D2HGDH: variants seen among roughly 807,000 people sequenced by gnomAD.
The protein encoded by D2HGDH is D-2-hydroxyglutarate dehydrogenase.
In D2HGDH, 31 loss-of-function variants were observed where a neutral mutation model predicts 46.9. The ratio of observed to expected loss-of-function variants is 0.66; its 90% CI spans 0.50 to 0.89. D2HGDH has a LOEUF of 0.89. D2HGDH is among the 40% of genes least tolerant of loss of function. The pLI is 0.00. For missense variants in D2HGDH, 698 were observed against 720.8 expected (o/e 0.97, Z 0.36); for synonymous variants, 364 against 332.6 (o/e 1.09, Z -1.03).
chr2:241,757,182 C>T (rs1035267748), intron 9 of D2HGDH, among the ~76,000 whole-genome samples: 1 of 152,230 alleles, frequency 6.6e-6, no homozygotes, highest in South Asian at 2.1e-4. Flanking sequence ...TGTTGCTTCC[C>T]TTTTACACAC....
intron 7 of D2HGDH, among the ~76,000 whole-genome samples, chr2:241,750,508 T>A (rs1212017923): frequency 6.6e-6 from 1 of 152,188 alleles, no homozygotes; most frequent in African/African-American, 2.4e-5. Context: ...TGGTCCTGTG[T>A]AAGGTTTGTA....
chr2:241,749,194 A>G lies in D2HGDH; in HGVS notation c.854-957A>G, dbSNP rs1417817489. The G allele has an allele frequency of 3.5e-6, 3 of 864,880 alleles. No homozygotes were observed. The African/African-American group carries it at 5.5e-5, about 16-fold the overall frequency. The allele number at this position is 864,880 out of a possible 1,614,324, so 53.6% of individuals were successfully genotyped here. On this transcript the variant is annotated intron_variant, in intron 6 of 9. Coordinates refer to ENST00000321264, the MANE Select transcript of D2HGDH (RefSeq NM_152783.5). ...AGTCCCCACCGCCAGACCCTCCAAC[A>G]CCACCACCACCTCCCACACCCCAGC...
At chr2:241,739,491 G>A (rs866554968) in intron 2 of D2HGDH, among the ~76,000 whole-genome samples, 1 of 152,240 alleles carries the variant, frequency 6.6e-6, no homozygotes, top group Admixed American at 6.5e-5. Flanking sequence ...GACATAAGTG[G>A]CTTTCTGATC....
intron 6 of D2HGDH, among the ~76,000 whole-genome samples, chr2:241,747,867 TCTG>T (rs927004489): frequency 7.9e-5 from 12 of 151,548 alleles, no homozygotes; most frequent in African/African-American, 2.9e-4. Flanking sequence ...CGGGCTCCAT[TCTG>T]CTTTTTTCTC....
chr2:241,752,934 G>A (rs1380294430), intron 8 of D2HGDH, among the ~76,000 whole-genome samples: 3 of 75,448 alleles, frequency 4.0e-5, no homozygotes, highest in Non-Finnish European at 8.0e-5. Flanking sequence ...CATCCCCCAC[G>A]CCACCCCCAG....
chr2:241,739,281 TG>T (rs1376712053), intron 2 of D2HGDH, among the ~76,000 whole-genome samples: 1 of 152,214 alleles, frequency 6.6e-6, no homozygotes, highest in African/African-American at 2.4e-5. Context: ...ATGTTTGTGT[TG>T]AGAACCCTGC....
chr2:241,759,977 C>T (rs375318125), intron 9 of D2HGDH, among the ~76,000 whole-genome samples: 5 of 152,276 alleles, frequency 3.3e-5, no homozygotes, highest in East Asian at 1.9e-4. Flanking sequence ...AATCAGTAGA[C>T]GTTGAGTACA....
At chr2:241,754,026 G>A (rs982909994) in intron 8 of D2HGDH, among the ~76,000 whole-genome samples, 14 of 152,232 alleles carry the variant, frequency 9.2e-5, no homozygotes, top group African/African-American at 2.4e-4. Context: ...GGAGCAGAAC[G>A]TCTGGTGCAG....
chr2:241,740,932 T>G, intron 2 of D2HGDH, 101 bp from the exon 3 acceptor site: 1 of 900,586 alleles, frequency 1.1e-6, no homozygotes, highest in Non-Finnish European at 1.8e-6. Flanking sequence ...AGAGTGAGAG[T>G]CCGTCTCCAA....
rs964815743 is a variant in D2HGDH at position 241,734,675 on chromosome 2, G to C, written c.-113G>C. 1 of 151,256 alleles carries C rather than the reference G, an allele frequency of 6.6e-6. No individual in the cohort carries two copies. Among genetic ancestry groups the C allele is most frequent in the Admixed American group, 6.6e-5 (1 of 15,062 alleles). The allele number at this position is 151,256 out of a possible 1,614,324, so 9.4% of individuals were successfully genotyped here. ...GGCCTGCGGCGGGCGCTGCGGGTTG[G>C]AGCTCGGGACGTGATCGTGGGTGCG... is the stretch of plus-strand genomic sequence containing the variant. On this transcript the variant is annotated 5_prime_UTR_variant, in exon 1 of 10. Coordinates refer to ENST00000321264, the MANE Select transcript of D2HGDH (RefSeq NM_152783.5).
At chr2:241,744,628 A>C in intron 5 of D2HGDH, 81 bp from the exon 6 acceptor site, 1 of 1,549,262 alleles carries the variant, frequency 6.5e-7, no homozygotes, top group East Asian at 2.2e-5. Context: ...GCTGCTGCAG[A>C]AGTGACACCT....
At chr2:241,753,054 C>G (rs1697538145) in intron 8 of D2HGDH, among the ~76,000 whole-genome samples, 1 of 152,128 alleles carries the variant, frequency 6.6e-6, no homozygotes, top group African/African-American at 2.4e-5. Flanking sequence ...GAGCCGGGTT[C>G]ATGACCAGGA....
intron 6 of D2HGDH, among the ~76,000 whole-genome samples, chr2:241,745,565 C>T (rs954181204): frequency 1.1e-4 from 16 of 152,148 alleles, no homozygotes; most frequent in African/African-American, 3.4e-4. Context: ...GCTGAGACTC[C>T]GCATGCTTGT....
intron 2 of D2HGDH, among the ~76,000 whole-genome samples, chr2:241,737,643 C>A (rs1024309952): frequency 6.6e-6 from 1 of 152,152 alleles, no homozygotes; most frequent in East Asian, 1.9e-4. Context: ...CTGGGTTACA[C>A]GCCTGTAACC....
intron 8 of D2HGDH, among the ~76,000 whole-genome samples, chr2:241,753,132 G>C (rs1028587786): frequency 6.6e-6 from 1 of 152,232 alleles, no homozygotes; most frequent in Admixed American, 6.5e-5. Flanking sequence ...ACGGGTTCAG[G>C]AGACGCCTTG....
At chr2:241,739,421 C>T (rs763290747) in intron 2 of D2HGDH, among the ~76,000 whole-genome samples, 22 of 152,244 alleles carry the variant, frequency 1.4e-4, no homozygotes, top group Admixed American at 1.0e-3. Flanking sequence ...ACTGAAGTGT[C>T]GGGCCGAGGC....
chr2:241,751,142 G>T (rs542700576), intron 7 of D2HGDH, 104 bp from the exon 8 acceptor site: 32 of 1,518,178 alleles, frequency 2.1e-5, no homozygotes, highest in Non-Finnish European at 3.6e-6. Flanking sequence ...TCTTGGCCAC[G>T]AAAGATCAGT....
At position 241,743,665 on chromosome 2, in the gene D2HGDH, CCG is replaced by C; in HGVS notation, c.535_536del (p.Arg179ValfsTer71). On this transcript the variant is annotated frameshift_variant, in exon 5 of 10. Transcript: ENST00000321264. LOFTEE classifies it high-confidence loss of function. This position sits in a 1 kb window ranked among gnomAD's most constrained non-coding sequence, Gnocchi z 4.8. ...QAGCVLEELSRYVEERDFIMP... is the reference protein window; with the variant it reads ...QAGCVLEELSXYVEERDFIMP... ...CGGGCTGCGTCCTGGAGGAGCTGAG[CCG>C]GTATGTGGAGGAACGGGACTTCATC... 6.2e-7 allele frequency: 1 copy of C among 1,613,926 alleles called. No homozygotes were observed. The highest frequency in any genetic ancestry group is 1.1e-5 in the South Asian group (1 of 91,040).
intron 1 of D2HGDH, among the ~76,000 whole-genome samples, 170 bp from the exon 2 acceptor site, chr2:241,734,963 C>T (rs1004672268): frequency 6.6e-6 from 1 of 152,212 alleles, no homozygotes; most frequent in Non-Finnish European, 1.5e-5. Flanking sequence ...TAAGTCCAGG[C>T]CTGCTGCGTG....
Sources: gnomAD v4.1 joint callset for allele counts (sites outside exome capture counted in the v4.1 genomes callset) on GRCh38, gnomAD v4.1.1 for gene constraint, Gnocchi (gnomAD v3.1) non-coding constraint, MANE v1.5 for transcripts, NCBI Gene and HGNC (gene_info 2026-07-23, HGNC 2026-07-21) for gene names.